ERBB4: variants seen among roughly 807,000 people sequenced by gnomAD.
ERBB4 encodes the protein receptor tyrosine-protein kinase erbB-4.
ERBB4 carries 42 observed loss-of-function variants against 158.0 expected under a neutral mutation model. The observed-to-expected ratio is 0.27, with a 90% CI of 0.21 to 0.34. The LOEUF is 0.34. Among genes scored for constraint, ERBB4 ranks in the 10% least tolerant of loss-of-function variants. The pLI is 1.00. For missense variants in ERBB4, 1,333 were observed against 1,624.1 expected (o/e 0.82, Z 3.08); for synonymous variants, 583 against 558.7 (o/e 1.04, Z -0.61).
At chr2:211,668,041 A>T (rs940330144) in intron 14 of ERBB4, among the ~76,000 whole-genome samples, 6 of 152,198 alleles carry the variant, frequency 3.9e-5, no homozygotes, top group Admixed American at 6.5e-5. Flanking sequence ...TACCTAGGCC[A>T]TATGGTATAG....
chr2:212,447,334 A>G (rs1036188626), intron 1 of ERBB4, among the ~76,000 whole-genome samples: 2 of 152,048 alleles, frequency 1.3e-5, no homozygotes, highest in African/African-American at 4.8e-5. Context: ...AATACATTCC[A>G]CTTAACATTT....
chr2:212,232,402 T>A (rs1183267323), intron 1 of ERBB4, among the ~76,000 whole-genome samples: 2 of 152,096 alleles, frequency 1.3e-5, no homozygotes, highest in African/African-American at 4.8e-5. Context: ...GTAAAGATTT[T>A]ACTTTTTACT....
intron 1 of ERBB4, among the ~76,000 whole-genome samples, chr2:212,361,649 ATAGT>A (rs1487772665): frequency 6.6e-6 from 1 of 151,680 alleles, no homozygotes; most frequent in Non-Finnish European, 1.5e-5. Flanking sequence ...AAGTAGAACA[ATAGT>A]TAGGGCAAGG....
At chr2:212,386,566 C>T (rs1317122846) in intron 1 of ERBB4, among the ~76,000 whole-genome samples, 2 of 141,294 alleles carry the variant, frequency 1.4e-5, no homozygotes, top group Non-Finnish European at 3.1e-5. Context: ...TACTTCCTTT[C>T]TTTCTTAAAA....
intron 1 of ERBB4, among the ~76,000 whole-genome samples, chr2:212,246,106 A>G (rs1360042811): frequency 2.6e-5 from 4 of 152,172 alleles, no homozygotes; most frequent in Admixed American, 2.0e-4. Flanking sequence ...CTGTAAATGT[A>G]GATTAACTGA....
chr2:211,570,378 G>C (rs895270429), intron 19 of ERBB4, among the ~76,000 whole-genome samples: 8 of 139,210 alleles, frequency 5.7e-5, no homozygotes, highest in Non-Finnish European at 1.2e-4. Flanking sequence ...TGTTGGCCAG[G>C]TGGTCTCAAA....
intron 3 of ERBB4, among the ~76,000 whole-genome samples, chr2:211,926,378 G>A (rs78313983): frequency 0.047 from 7,168 of 152,066 alleles, 230 homozygotes; most frequent in Middle Eastern, 0.095. Flanking sequence ...ACACTTTATC[G>A]TAGTACTTTT....
chr2:211,504,065 G>T (rs1443800360), intron 20 of ERBB4, among the ~76,000 whole-genome samples: 2 of 152,114 alleles, frequency 1.3e-5, no homozygotes, highest in Non-Finnish European at 2.9e-5. Flanking sequence ...AGGTCAAACT[G>T]CAGGGCCATT....
intron 16 of ERBB4, among the ~76,000 whole-genome samples, chr2:211,636,871 A>C (rs1035264563): frequency 7.9e-5 from 12 of 152,000 alleles, no homozygotes; most frequent in South Asian, 6.2e-4. Flanking sequence ...ATTGCTAATG[A>C]CACTCTGTTG....
chr2:211,541,007 C>A (rs2066793692), intron 20 of ERBB4, among the ~76,000 whole-genome samples: 1 of 151,832 alleles, frequency 6.6e-6, no homozygotes, highest in Non-Finnish European at 1.5e-5. Context: ...AATATATATC[C>A]TATTAGTTTC....
At chr2:211,903,583 T>C (rs2079296291) in intron 3 of ERBB4, among the ~76,000 whole-genome samples, 3 of 152,026 alleles carry the variant, frequency 2.0e-5, no homozygotes. Flanking sequence ...CAATTTAAAT[T>C]TTGCACACAT....
intron 20 of ERBB4, among the ~76,000 whole-genome samples, chr2:211,473,168 T>G (rs997610043): frequency 6.6e-6 from 1 of 151,890 alleles, no homozygotes; most frequent in Non-Finnish European, 1.5e-5. Context: ...ACAGAGAGTT[T>G]ACACACAAAT....
intron 20 of ERBB4, among the ~76,000 whole-genome samples, chr2:211,445,950 T>C (rs890144048): frequency 2.6e-5 from 4 of 152,144 alleles, no homozygotes; most frequent in African/African-American, 9.7e-5. Context: ...AATGTTCATG[T>C]AAGGAGGCAG....
At chr2:211,930,247 A>G (rs1287327897) in intron 3 of ERBB4, among the ~76,000 whole-genome samples, 1 of 152,190 alleles carries the variant, frequency 6.6e-6, no homozygotes, top group Non-Finnish European at 1.5e-5. Context: ...GGAGACATAT[A>G]GTCATTATTT....
chr2:212,161,713 T>G (rs755569449), intron 1 of ERBB4, among the ~76,000 whole-genome samples: 1 of 151,910 alleles, frequency 6.6e-6, no homozygotes, highest in Non-Finnish European at 1.5e-5. Flanking sequence ...ATTTACCATC[T>G]GGCAGTACAC....
chr2:211,465,753 C>A (rs1282697922), intron 20 of ERBB4, among the ~76,000 whole-genome samples: 1 of 152,092 alleles, frequency 6.6e-6, no homozygotes, highest in Non-Finnish European at 1.5e-5. Context: ...AGTAGCCAAC[C>A]CACTACGAGA....
intron 1 of ERBB4, among the ~76,000 whole-genome samples, chr2:212,149,862 C>T (rs1373772897): frequency 6.6e-6 from 1 of 152,018 alleles, no homozygotes; most frequent in Non-Finnish European, 1.5e-5. Context: ...TGTTTTAAGA[C>T]AATACAAAGT....
At chr2:212,389,204 G>A (rs2090775215) in intron 1 of ERBB4, among the ~76,000 whole-genome samples, 1 of 151,966 alleles carries the variant, frequency 6.6e-6, no homozygotes, top group South Asian at 2.1e-4. Context: ...GTTACATAAT[G>A]ATTATCCAAT....
intron 2 of ERBB4, among the ~76,000 whole-genome samples, chr2:212,088,092 G>C (rs992586630): frequency 2.0e-5 from 3 of 152,070 alleles, no homozygotes; most frequent in South Asian, 2.1e-4. Context: ...AGGAACAAGT[G>C]GAAAGTTCAT....
Sources: gnomAD v4.1 joint callset for allele counts (sites outside exome capture counted in the v4.1 genomes callset) on GRCh38, gnomAD v4.1.1 for gene constraint, MANE v1.5 for transcripts, NCBI Gene and HGNC (gene_info 2026-07-23, HGNC 2026-07-21) for gene names.